The following SLC2A9 variants were observed in gnomAD, a reference collection of about 807,000 sequenced individuals.
SLC2A9 encodes the protein solute carrier family 2, facilitated glucose transporter member 9.
In SLC2A9, 39 loss-of-function variants were observed where a neutral mutation model predicts 50.6. That is an observed-to-expected ratio of 0.77 (90% CI 0.60 to 1.01). The LOEUF is 1.01. Among genes scored for constraint, SLC2A9 ranks in the 50% least tolerant of loss-of-function variants. SLC2A9 has a pLI of 0.00. For missense variants in SLC2A9, 686 were observed against 677.6 expected, an observed-to-expected ratio of 1.01 and a Z score of -0.14; for synonymous variants, 324 against 276.9, an observed-to-expected ratio of 1.17 and a Z score of -1.69.
chr4:9,785,561 C>T (rs1394450407), intron 3 of SLC2A9, among the ~76,000 whole-genome samples: 3 of 152,206 alleles, frequency 2.0e-5, no homozygotes, highest in Non-Finnish European at 4.4e-5. Flanking sequence ...TAAGCAAAAT[C>T]TTTTGTGAAA....
At chr4:9,948,944 A>G (rs1315306488) in intron 5 of SLC2A9, among the ~76,000 whole-genome samples, 1 of 152,184 alleles carries the variant, frequency 6.6e-6, no homozygotes, top group East Asian at 1.9e-4. Context: ...ACTTGGCCAA[A>G]CATTAGTCAG....
At chr4:9,821,435 C>A (rs530443258), downstream of SLC2A9, among the ~76,000 whole-genome samples, 2 of 151,790 alleles carry the variant, frequency 1.3e-5, no homozygotes, top group African/African-American at 4.8e-5. Flanking sequence ...TTCATAAGTG[C>A]GAATTGAACA....
At chr4:9,979,923 C>T (rs1332749949) in intron 5 of SLC2A9, among the ~76,000 whole-genome samples, 1 of 151,628 alleles carries the variant, frequency 6.6e-6, no homozygotes, top group African/African-American at 2.4e-5. Flanking sequence ...TGTCCCAATC[C>T]CCATCATCAC....
chr4:9,777,574 C>T (rs1717738635), downstream of SLC2A9, among the ~76,000 whole-genome samples: 1 of 152,166 alleles, frequency 6.6e-6, no homozygotes, highest in Non-Finnish European at 1.5e-5. Flanking sequence ...CGTCTGTGCA[C>T]CTTTCTTGGT....
At chr4:9,964,798 C>T (rs6449174) in intron 5 of SLC2A9, among the ~76,000 whole-genome samples, 71,998 of 151,916 alleles carry the variant, frequency 0.47, 18,194 homozygotes, top group African/African-American at 0.64. Flanking sequence ...AATTCCTATA[C>T]CAGACTCTAA....
At chr4:10,024,934 A>G (rs137933916), upstream of SLC2A9, among the ~76,000 whole-genome samples, 33 of 152,338 alleles carry the variant, frequency 2.2e-4, no homozygotes, top group African/African-American at 7.7e-4. Context: ...CACCTAATGT[A>G]AGCACCAAGA....
chr4:9,911,054 C>T (rs1215544620), intron 7 of SLC2A9, among the ~76,000 whole-genome samples: 2 of 152,032 alleles, frequency 1.3e-5, no homozygotes, highest in East Asian at 3.9e-4. Context: ...ATGCAGATGA[C>T]AGGTTGATGG....
intron 3 of SLC2A9, among the ~76,000 whole-genome samples, chr4:9,803,394 G>T (rs147566096): frequency 7.6e-4 from 115 of 152,306 alleles, no homozygotes; most frequent in East Asian, 5.8e-3. Context: ...TGTGCTAAAT[G>T]AATTATTTAT....
At chr4:9,961,112 G>A (rs1318474698) in intron 5 of SLC2A9, among the ~76,000 whole-genome samples, 2 of 152,154 alleles carry the variant, frequency 1.3e-5, no homozygotes, top group African/African-American at 4.8e-5. Flanking sequence ...CATACAGCTA[G>A]AAAGCAGCAG....
chr4:9,902,423 G>A (rs947999842), intron 8 of SLC2A9, among the ~76,000 whole-genome samples: 4 of 152,304 alleles, frequency 2.6e-5, no homozygotes, highest in East Asian at 3.9e-4. Flanking sequence ...GGGCAGCTTC[G>A]GCATTTTCCA....
At chr4:9,807,824 T>C (rs915721973) in intron 3 of SLC2A9, among the ~76,000 whole-genome samples, 1 of 152,116 alleles carries the variant, frequency 6.6e-6, no homozygotes, top group Non-Finnish European at 1.5e-5. Context: ...TTGAGGCTGG[T>C]CAAATGCGTG....
intron 8 of SLC2A9, among the ~76,000 whole-genome samples, chr4:9,901,679 C>A (rs969222840): frequency 2.0e-5 from 3 of 152,072 alleles, no homozygotes; most frequent in Admixed American, 1.3e-4. Flanking sequence ...CATGCCCCCC[C>A]ACCAGCCCCT....
intron 3 of SLC2A9, among the ~76,000 whole-genome samples, chr4:9,817,859 C>A (rs539048003): frequency 6.6e-6 from 1 of 152,296 alleles, no homozygotes; most frequent in South Asian, 2.1e-4. Context: ...AGCAGACAAT[C>A]CCTGCTGCCA....
rs1016630366 is a variant in SLC2A9 at position 9,783,673 on chromosome 4, G to A, written n.386-3608C>T. 3 of 580,806 alleles carry A rather than the reference G, an allele frequency of 5.2e-6. No individual in the cohort carries two copies. In the African/African-American group the frequency reaches 5.6e-5, roughly 11 times the overall value. The allele number at this position is 580,806 out of a possible 1,614,324, so 36.0% of individuals were successfully genotyped here. A position where few individuals can be genotyped will look rare whatever the true frequency, so the allele number is the denominator to read the frequency against. On this transcript the variant is annotated intron_variant and non_coding_transcript_variant, in intron 3 of 3. Coordinates refer to the SLC2A9 transcript ENST00000503803. ...CAATAAACTCAGTCAAATGTACCCA[G>A]CCTACCAGAGATGGACCAACGATCC... is the stretch of plus-strand genomic sequence containing the variant.
At chr4:9,892,169 GGTGA>G (rs1262591246) in intron 8 of SLC2A9, among the ~76,000 whole-genome samples, 1 of 152,236 alleles carries the variant, frequency 6.6e-6, no homozygotes, top group Non-Finnish European at 1.5e-5. Context: ...GGCACTGAGG[GGTGA>G]GTGACAGCTG....
At chr4:9,811,046 C>A (rs1560140786) in intron 3 of SLC2A9, among the ~76,000 whole-genome samples, 1 of 152,230 alleles carries the variant, frequency 6.6e-6, no homozygotes, top group South Asian at 2.1e-4. Flanking sequence ...TGAGATTATT[C>A]TACTTCTTGC....
intron 3 of SLC2A9, among the ~76,000 whole-genome samples, chr4:9,788,377 G>C (rs997379959): frequency 2.1e-4 from 20 of 96,034 alleles, no homozygotes; most frequent in Middle Eastern, 5.7e-3. Flanking sequence ...TTTTTGTAGA[G>C]ACGGGGACTC....
intron 3 of SLC2A9, among the ~76,000 whole-genome samples, chr4:9,787,986 T>A (rs1023478593): frequency 2.6e-5 from 4 of 152,234 alleles, no homozygotes; most frequent in African/African-American, 9.6e-5. Flanking sequence ...TATGAAGATA[T>A]CCTATTATTT....
At chr4:9,973,881 C>G (rs1754333957) in intron 5 of SLC2A9, among the ~76,000 whole-genome samples, 1 of 149,174 alleles carries the variant, frequency 6.7e-6, no homozygotes, top group African/African-American at 2.5e-5. Context: ...AAACAGAAAA[C>G]TAGAAACCAA....
Sources: allele counts gnomAD v4.1 joint callset (sites outside exome capture counted in the v4.1 genomes callset), GRCh38; gene constraint gnomAD v4.1.1; transcripts MANE v1.5; gene names NCBI Gene and HGNC (gene_info 2026-07-23, HGNC 2026-07-21).